Variants in AP1G1 observed in about 807,000 individuals in gnomAD.
AP1G1 encodes the protein AP-1 complex subunit gamma-1.
Under a neutral mutation model 108.3 loss-of-function variants are expected in AP1G1, and 7 were observed. The observed-to-expected ratio is 0.06, with a 90% CI of 0.04 to 0.12. The LOEUF (loss-of-function observed/expected upper bound fraction) is 0.12, where lower values mean the gene tolerates loss of function less well. Ranked by LOEUF, AP1G1 falls within the 10% of genes least tolerant of loss-of-function variation. The pLI, the probability that AP1G1 is intolerant of heterozygous loss-of-function variation, is 1.00. For synonymous variants in AP1G1, 379 were observed against 353.5 expected, an observed-to-expected ratio of 1.07 and a Z score of -0.81; for missense variants, 756 against 1,010.7, an observed-to-expected ratio of 0.75 and a Z score of 3.42.
In AP1G1 at chr16:71,764,698, A is replaced by G; in HGVS notation, c.767T>C (p.Leu256Ser). ...QVRILRLLRI[L>S]GRNDDDSSEA... ...ACTTGAATCATCATCATTTCGTCCT[A>G]AAATTCTTAATAACCGCAAAATTCG... The change falls in exon 8 of 23, where the codon TTA (leucine) becomes TCA (serine). Residue 256 changes from leucine (L) to serine (S), a missense_variant. Leu to Ser is a moderately radical substitution (Grantham distance 145, BLOSUM62 -2). This residue lies in a region of AP1G1 where 304 missense variants were observed against 483.6 expected (regional missense o/e 0.63). Transcript: ENST00000299980. The G allele has an allele frequency of 6.2e-7, 1 of 1,611,892 alleles. No homozygotes were observed. Among genetic ancestry groups the G allele is most frequent in the African/African-American group, 1.3e-5 (1 of 74,986 alleles).
At chr16:71,751,984 T>C (rs766074367) in intron 13 of AP1G1, among the ~76,000 whole-genome samples, 16 of 152,066 alleles carry the variant, frequency 1.1e-4, no homozygotes, top group Non-Finnish European at 1.6e-4. Context: ...AATACACATA[T>C]AAAAATACTC....
intron 2 of AP1G1, among the ~76,000 whole-genome samples, chr16:71,780,444 T>C (rs1032843722): frequency 1.3e-5 from 2 of 150,312 alleles, no homozygotes; most frequent in African/African-American, 4.9e-5. Context: ...TGAACTACGA[T>C]TGCACCACTG....
At chr16:71,745,052 T>C (rs891115727) in intron 19 of AP1G1, 92 bp downstream of exon 19, 1 of 1,433,760 alleles carries the variant, frequency 7.0e-7, no homozygotes, top group South Asian at 1.3e-5. Context: ...CATCTTCAAA[T>C]GATTCACGTG....
At position 71,747,997 on chromosome 16, in the gene AP1G1, AC is replaced by A. The variant is rs1404010771; in HGVS notation, c.1625+253del. Among the ~76,000 whole-genome samples the A allele has an allele frequency of 2.0e-5, 3 of 152,044 alleles. No homozygotes were observed. In the East Asian group the frequency reaches 5.8e-4, roughly 29 times the overall value. On this transcript the variant is annotated intron_variant, in intron 16 of 22. Coordinates refer to ENST00000299980, the MANE Select transcript of AP1G1 (RefSeq NM_001128.6). ...GACCCTGTCTCAACAAACAAACAAA[AC>A]CCCCTAAACTTTTCTGCTTCAAAAT...
chr16:71,749,651 T>G (rs2030379630), intron 15 of AP1G1, among the ~76,000 whole-genome samples: 1 of 152,098 alleles, frequency 6.6e-6, no homozygotes, highest in South Asian at 2.1e-4. Context: ...CCATCATACC[T>G]GTCTAATATT....
intron 2 of AP1G1, among the ~76,000 whole-genome samples, chr16:71,785,499 T>C (rs1028182061): frequency 1.5e-5 from 2 of 136,338 alleles, no homozygotes; most frequent in East Asian, 2.2e-4. Context: ...CGCTTGAACC[T>C]GGGTAGTGAA....
chr16:71,774,678 G>T, intron 2 of AP1G1, 86 bp from the exon 3 acceptor site: 1 of 1,383,020 alleles, frequency 7.2e-7, no homozygotes, highest in Non-Finnish European at 9.8e-7. Context: ...AGAGTCCCCA[G>T]CTGGCTAAAG....
At chr16:71,746,355 A>C (rs186680692) in intron 17 of AP1G1, among the ~76,000 whole-genome samples, 3 of 152,372 alleles carry the variant, frequency 2.0e-5, no homozygotes, top group Admixed American at 2.0e-4. Context: ...CAAACTTTCC[A>C]TATCAAAAAA....
rs574266046 is a variant in AP1G1 at position 71,794,835 on chromosome 16, C to CCTT, written c.-3-5354_-3-5353insAAG. ...TACCATTCTCAGGCCATGAGAAGTG[C>CCTT]TTTTTTTTTTTTTTTTTTTTTTTTT... On this transcript the variant is annotated intron_variant, in intron 1 of 22. Transcript: ENST00000299980. 1.0e-4 allele frequency among the ~76,000 whole-genome samples: 4 copies of CCTT among 39,632 alleles called. No individual in the cohort carries two copies. In the South Asian group the frequency reaches 5.6e-3, roughly 56 times the overall value. The allele number at this position is 39,632 out of a possible 152,430, so 26.0% of individuals were successfully genotyped here. A position where few individuals can be genotyped will look rare whatever the true frequency, so the allele number is the denominator to read the frequency against.
intron 22 of AP1G1, among the ~76,000 whole-genome samples, chr16:71,733,755 G>C (rs768508690): frequency 6.6e-6 from 1 of 152,132 alleles, no homozygotes; most frequent in Non-Finnish European, 1.5e-5. Flanking sequence ...TATACTCATC[G>C]TACGCTCTCC....
At chr16:71,808,493 G>GTCAAA in intron 1 of AP1G1, 3 of 1,264,790 alleles carry the variant, frequency 2.4e-6, no homozygotes, top group Non-Finnish European at 3.1e-6. Context: ...AAGGGTTCAA[G>GTCAAA]GAGGCCCGTA....
intron 2 of AP1G1, among the ~76,000 whole-genome samples, chr16:71,776,544 T>C (rs2031785418): frequency 6.6e-6 from 1 of 152,206 alleles, no homozygotes; most frequent in Non-Finnish European, 1.5e-5. Flanking sequence ...TTACTCTTTT[T>C]CAAACTGGTT....
At chr16:71,768,521 G>T (rs1313257339) in intron 6 of AP1G1, among the ~76,000 whole-genome samples, 1 of 73,166 alleles carries the variant, frequency 1.4e-5, no homozygotes, top group African/African-American at 4.9e-5. Context: ...AAAGAGAGAA[G>T]GGAGTACTTA....
At chr16:71,804,377 G>A (rs1042702392) in intron 1 of AP1G1, among the ~76,000 whole-genome samples, 5 of 145,118 alleles carry the variant, frequency 3.4e-5, no homozygotes, top group African/African-American at 1.3e-4. Flanking sequence ...TGTAAGCCAA[G>A]AAATACAAAA....
intron 2 of AP1G1, among the ~76,000 whole-genome samples, chr16:71,778,456 G>T (rs1186359214): frequency 6.6e-6 from 1 of 152,144 alleles, no homozygotes; most frequent in East Asian, 1.9e-4. Flanking sequence ...GCCGAGGTGG[G>T]TGGACTGCCT....
At chr16:71,769,820 C>A in intron 5 of AP1G1, 121 bp from the exon 6 acceptor site, 1 of 725,496 alleles carries the variant, frequency 1.4e-6, no homozygotes, top group East Asian at 2.8e-5. Context: ...CTTTTTAATC[C>A]CCCAAAGCAT....
chr16:71,766,141 C>T (rs949997219), intron 6 of AP1G1, among the ~76,000 whole-genome samples: 1 of 152,028 alleles, frequency 6.6e-6, no homozygotes, highest in Non-Finnish European at 1.5e-5. Flanking sequence ...AATAGTAATA[C>T]GGTAATCAAA....
intron 6 of AP1G1, 34 bp downstream of exon 6, chr16:71,769,589 C>T (rs1352240704): frequency 6.4e-7 from 1 of 1,569,354 alleles, no homozygotes; most frequent in East Asian, 2.2e-5. Context: ...ATTTTTCAAT[C>T]AAGAAAGGCT....
chr16:71,764,466 G>C lies in AP1G1; in HGVS notation c.820-18C>G, dbSNP rs551527634. ...GTGGCAACCTGAAAAGACATATCGA[G>C]GGCAGTACATAAGTGATAAAAACAA... On this transcript the variant is annotated intron_variant, in intron 8 of 22. Transcript: ENST00000299980. 2.7e-4 allele frequency: 413 copies of C among 1,517,978 alleles called. No individual in the cohort carries two copies. The highest frequency in any genetic ancestry group is 3.6e-4 in the Non-Finnish European group (394 of 1,098,694). The allele number at this position is 1,517,978 out of a possible 1,614,324, so 94.0% of individuals were successfully genotyped here. A position where few individuals can be genotyped will look rare whatever the true frequency, so the allele number is the denominator to read the frequency against.
Sources: gnomAD v4.1 joint callset for allele counts (sites outside exome capture counted in the v4.1 genomes callset) on GRCh38, gnomAD v4.1.1 for gene constraint, gnomAD v4.1.1 regional missense constraint, MANE v1.5 for transcripts, NCBI Gene and HGNC (gene_info 2026-07-23, HGNC 2026-07-21) for gene names.